PALS1: variants seen among roughly 807,000 people sequenced by gnomAD.
PALS1 encodes the protein protein PALS1.
PALS1 carries 31 observed loss-of-function variants against 78.9 expected under a neutral mutation model. The ratio of observed to expected loss-of-function variants is 0.39; its 90% CI spans 0.30 to 0.53. The LOEUF (loss-of-function observed/expected upper bound fraction) is 0.53. Ranked by LOEUF, PALS1 falls within the 20% of genes least tolerant of loss-of-function variation. PALS1 has a pLI of 0.67. For missense variants in PALS1, 704 were observed against 826.5 expected (o/e 0.85, Z 1.82); for synonymous variants, 276 against 270.9 (o/e 1.02, Z -0.18).
intron 4 of PALS1, 46 bp from the exon 5 acceptor site, chr14:67,301,343 T>C: frequency 7.4e-7 from 1 of 1,349,042 alleles, no homozygotes; most frequent in Non-Finnish European, 1.0e-6. Flanking sequence ...GTGCTACTGA[T>C]ACTTCCTATA....
At chr14:67,252,361 C>T (rs2084078448) in intron 1 of PALS1, among the ~76,000 whole-genome samples, 1 of 152,182 alleles carries the variant, frequency 6.6e-6, no homozygotes, top group South Asian at 2.1e-4. Flanking sequence ...TGCTGAGCTG[C>T]CCAGGCTGGT....
chr14:67,258,960 ACCCTC>A (rs572498774), intron 1 of PALS1, among the ~76,000 whole-genome samples: 162 of 151,490 alleles, frequency 1.1e-3, no homozygotes, highest in African/African-American at 3.7e-3. Flanking sequence ...TTCCTGCCTC[ACCCTC>A]CCGAGTAGCT....
At chr14:67,303,718 A>T in intron 8 of PALS1, 119 bp downstream of exon 8, 1 of 710,040 alleles carries the variant, frequency 1.4e-6, no homozygotes, top group Non-Finnish European at 2.4e-6. Flanking sequence ...AATCATTTTT[A>T]TTTAAATAAA....
At chr14:67,285,601 C>T (rs2084673506) in intron 3 of PALS1, among the ~76,000 whole-genome samples, 1 of 152,072 alleles carries the variant, frequency 6.6e-6, no homozygotes, top group Admixed American at 6.5e-5. Flanking sequence ...GATCTCTGAT[C>T]TCCTGATCCA....
Position 67,297,920 on chromosome 14 carries a change from C to T in PALS1, c.577-3469C>T, listed in dbSNP as rs369665247. 1.1e-4 allele frequency among the ~76,000 whole-genome samples: 17 copies of T among 152,270 alleles called. 1 individual carries two copies. In the East Asian group the frequency reaches 2.7e-3, roughly 24 times the overall value. ...GATAATTTTAGATCAAATGTTCAGT[C>T]TTATGAGTACATATTATCTAGGCAA... On this transcript the variant is annotated intron_variant, in intron 4 of 14. Coordinates refer to ENST00000261681, the MANE Select transcript of PALS1 (RefSeq NM_022474.4).
chr14:67,301,881 A>G, intron 5 of PALS1, 91 bp from the exon 6 acceptor site: 1 of 1,325,730 alleles, frequency 7.5e-7, no homozygotes, highest in Non-Finnish European at 1.0e-6. Context: ...TAAAGATTTA[A>G]TGGTCAGAAT....
At chr14:67,330,465 T>G (rs1034306994) in intron 14 of PALS1, among the ~76,000 whole-genome samples, 1 of 150,332 alleles carries the variant, frequency 6.7e-6, no homozygotes, top group African/African-American at 2.4e-5. Flanking sequence ...ATTTTTTTTT[T>G]TTTTTTTTTT....
chr14:67,321,138 T>C lies in PALS1; in HGVS notation c.1619T>C (p.Ile540Thr). ...TCGCGGCAAGCATTCGAGGCAGACA[T>C]AGCAGCTGGAAAGTTCATTGAGCAT... ...FVSRQAFEAD[I>T]AAGKFIEHGE... Residue 540 changes from isoleucine to threonine, a missense_variant, in exon 13 of 15, where the codon ATA becomes ACA. By Grantham distance (89) the Ile-to-Thr change is moderately conservative (BLOSUM62 -1). Coordinates refer to ENST00000261681, the MANE Select transcript of PALS1 (RefSeq NM_022474.4). The C allele has an allele frequency of 6.2e-7, 1 of 1,614,200 alleles. No individual in the cohort carries two copies. The highest frequency in any genetic ancestry group is 1.3e-5 in the African/African-American group (1 of 75,068).
chr14:67,242,178 T>C (rs77898569), intron 1 of PALS1, among the ~76,000 whole-genome samples: 7,918 of 152,268 alleles, frequency 0.052, 432 homozygotes, highest in African/African-American at 0.13. Flanking sequence ...GTAAATTATG[T>C]AACTTTCTAA....
chr14:67,279,218 C>T lies in PALS1; in HGVS notation c.48C>T (p.Ser16=), dbSNP rs144885231. 6.8e-6 allele frequency: 11 copies of T among 1,611,050 alleles called. No individual in the cohort carries two copies. Among genetic ancestry groups the T allele is most frequent in the African/African-American group, 6.7e-5 (5 of 74,592 alleles). Residue 16 remains serine (S), a synonymous_variant, in exon 3 of 15, where the codon AGC becomes AGT. Coordinates refer to ENST00000261681, the MANE Select transcript of PALS1 (RefSeq NM_022474.4). ...MNGHVTEESD[S]EVKNVDLASP... ...GGCATGTTACAGAGGAATCAGACAG[C>T]GAAGTAAAAAATGTTGATCTTGCAT...
chr14:67,252,811 C>T (rs575229732), intron 1 of PALS1, among the ~76,000 whole-genome samples: 1 of 152,254 alleles, frequency 6.6e-6, no homozygotes, highest in African/African-American at 2.4e-5. Context: ...TTGCTGTGAG[C>T]TAAATATTAG....
intron 9 of PALS1, among the ~76,000 whole-genome samples, chr14:67,314,412 T>C (rs1215053398): frequency 6.6e-6 from 1 of 152,232 alleles, no homozygotes; most frequent in Non-Finnish European, 1.5e-5. Context: ...TTTCTCACTT[T>C]AAAACTCAGA....
chr14:67,295,156 A>G (rs1462518860), intron 4 of PALS1, among the ~76,000 whole-genome samples: 3 of 151,056 alleles, frequency 2.0e-5, no homozygotes, highest in African/African-American at 4.9e-5. Context: ...AAACTTGTCT[A>G]TGAAATATAT....
chr14:67,310,549 TTTAG>T (rs1411001863), intron 8 of PALS1, among the ~76,000 whole-genome samples: 3 of 152,152 alleles, frequency 2.0e-5, no homozygotes, highest in East Asian at 1.9e-4. Flanking sequence ...TACAGGTCTG[TTTAG>T]TTAGTGAAAA....
At chr14:67,253,410 TTTG>T (rs2084094605) in intron 1 of PALS1, among the ~76,000 whole-genome samples, 1 of 152,174 alleles carries the variant, frequency 6.6e-6, no homozygotes, top group African/African-American at 2.4e-5. Flanking sequence ...GAGAAAACAA[TTTG>T]TTGTCCTAAA....
At chr14:67,268,538 G>A (rs2084365354) in intron 1 of PALS1, among the ~76,000 whole-genome samples, 1 of 152,210 alleles carries the variant, frequency 6.6e-6, no homozygotes, top group Non-Finnish European at 1.5e-5. Context: ...ATTTTCCGGG[G>A]GAAAGGGATG....
chr14:67,245,038 A>G (rs931730036), intron 1 of PALS1, among the ~76,000 whole-genome samples: 5 of 152,238 alleles, frequency 3.3e-5, no homozygotes, highest in African/African-American at 1.2e-4. Flanking sequence ...CAGGCCACAA[A>G]CTAAGGAATA....
intron 14 of PALS1, among the ~76,000 whole-genome samples, chr14:67,327,101 G>A (rs1015566971): frequency 1.3e-5 from 2 of 152,270 alleles, no homozygotes; most frequent in Admixed American, 1.3e-4. Flanking sequence ...CTTGAACCCG[G>A]GAGGTGGAGG....
At chr14:67,265,744 C>T (rs1356462721) in intron 1 of PALS1, among the ~76,000 whole-genome samples, 1 of 151,240 alleles carries the variant, frequency 6.6e-6, no homozygotes. Flanking sequence ...GTAATCCCAG[C>T]TGCTCTGGAG....
Sources: gnomAD v4.1 joint callset for allele counts (sites outside exome capture counted in the v4.1 genomes callset) on GRCh38, gnomAD v4.1.1 for gene constraint, MANE v1.5 for transcripts, NCBI Gene and HGNC (gene_info 2026-07-23, HGNC 2026-07-21) for gene names.